The following PAM variants were observed in gnomAD, a reference collection of about 807,000 sequenced individuals.
The protein encoded by PAM is peptidylglycine alpha-amidating monooxygenase.
Under a neutral mutation model 122.1 loss-of-function variants are expected in PAM, and 72 were observed. The observed-to-expected ratio is 0.59, with a 90% confidence interval of 0.49 to 0.72. PAM has a LOEUF of 0.72. PAM is among the 30% of genes least tolerant of loss of function. The probability of loss-of-function intolerance (pLI) is 0.00; values close to 1 mark genes in which losing one functional copy is unlikely to be tolerated. For synonymous variants in PAM, 389 were observed against 404.4 expected, an observed-to-expected ratio of 0.96 and a Z score of 0.46; for missense variants, 1,106 against 1,183.7, an observed-to-expected ratio of 0.93 and a Z score of 0.96.
intron 3 of PAM, among the ~76,000 whole-genome samples, chr5:102,869,891 G>T (rs1053628048): frequency 6.8e-6 from 1 of 146,934 alleles, no homozygotes; most frequent in Admixed American, 6.8e-5. Flanking sequence ...TTAGAGGGAA[G>T]AAACAAAAGG....
At chr5:103,027,755 A>G (rs1213082913) in intron 24 of PAM, among the ~76,000 whole-genome samples, 1 of 152,228 alleles carries the variant, frequency 6.6e-6, no homozygotes, top group Non-Finnish European at 1.5e-5. Flanking sequence ...TGTCATAACC[A>G]AAGATGGAAA....
intron 5 of PAM, 62 bp from the exon 6 acceptor site, chr5:102,924,895 G>T: frequency 1.1e-6 from 1 of 881,394 alleles, no homozygotes; most frequent in South Asian, 1.3e-5. Flanking sequence ...TCCCACCATG[G>T]GGAGCAATTT....
chr5:102,959,927 G>A lies in PAM; in HGVS notation c.958G>A (p.Ala320Thr). The A allele has an allele frequency of 6.2e-7, 1 of 1,612,544 alleles. No homozygotes were observed. The highest frequency in any genetic ancestry group is 8.5e-7 in the Non-Finnish European group (1 of 1,178,774). Residue 320 changes from alanine to threonine, a missense_variant, in exon 13 of 26, where the codon GCC becomes ACC. Transcript: ENST00000438793. ...CNLYIMYYME[A>T]KHAVSFMTCT... ...CTTATACATTATGTATTACATGGAA[G>A]CCAAGCATGCAGTTTCTTTCATGAC...
Position 103,028,238 on chromosome 5 carries a change from G to A in PAM, c.2743G>A (p.Gly915Arg), listed in dbSNP as rs768911406. The A allele has an allele frequency of 3.1e-6, 5 of 1,604,380 alleles. No homozygotes were observed. Among genetic ancestry groups the A allele is most frequent in the Non-Finnish European group, 4.3e-6 (5 of 1,171,456 alleles). ...SSGRVLGRFR[G>R]KGSGGLNLGN... ...AGGAAGAGTACTGGGAAGATTTAGAGGTATGCCTATGACCTTTTAGAACCC... is the reference window on the plus strand; with the variant it reads ...AGGAAGAGTACTGGGAAGATTTAGAAGTATGCCTATGACCTTTTAGAACCC... Residue 915 changes from glycine to arginine, a missense_variant and splice_region_variant, in exon 25 of 26, where the codon GGA becomes AGA. Transcript: ENST00000438793.
chr5:102,797,015 A>C (rs1580234274), intron 1 of PAM, among the ~76,000 whole-genome samples: 1 of 152,228 alleles, frequency 6.6e-6, no homozygotes, highest in East Asian at 1.9e-4. Flanking sequence ...GCTAAACAAA[A>C]ATGAATTGTG....
At chr5:103,018,706 C>G (rs983172964) in intron 22 of PAM, among the ~76,000 whole-genome samples, 4 of 152,156 alleles carry the variant, frequency 2.6e-5, no homozygotes, top group Non-Finnish European at 5.9e-5. Context: ...ATGGAGAAGA[C>G]TTCAGAAGAA....
intron 3 of PAM, among the ~76,000 whole-genome samples, chr5:102,884,274 CA>C (rs1792269224): frequency 1.3e-5 from 2 of 151,702 alleles, no homozygotes; most frequent in African/African-American, 4.8e-5. Context: ...ATATCACCAA[CA>C]AAAAGGATAC....
intron 4 of PAM, among the ~76,000 whole-genome samples, chr5:102,912,677 T>G (rs561082407): frequency 7.4e-4 from 113 of 152,148 alleles, no homozygotes; most frequent in African/African-American, 2.7e-3. Context: ...CAAAGCATCT[T>G]CTTCCATCCC....
At chr5:102,971,262 A>G (rs913116969) in intron 14 of PAM, among the ~76,000 whole-genome samples, 1 of 152,210 alleles carries the variant, frequency 6.6e-6, no homozygotes, top group South Asian at 2.1e-4. Context: ...TAATTTAGTG[A>G]CACCTACTTT....
At chr5:102,820,238 G>C (rs922674614) in intron 1 of PAM, among the ~76,000 whole-genome samples, 1 of 149,684 alleles carries the variant, frequency 6.7e-6, no homozygotes, top group Non-Finnish European at 1.5e-5. Flanking sequence ...TTCAAATCAG[G>C]GTCCTGTGTG....
intron 1 of PAM, among the ~76,000 whole-genome samples, chr5:102,795,954 AT>A (rs939366412): frequency 6.6e-6 from 1 of 151,870 alleles, no homozygotes; most frequent in Non-Finnish European, 1.5e-5. Context: ...ACCATGAGTT[AT>A]TTTTTTTAGT....
chr5:103,004,597 T>C (rs1477044810), intron 17 of PAM, among the ~76,000 whole-genome samples: 2 of 152,202 alleles, frequency 1.3e-5, no homozygotes, highest in Non-Finnish European at 2.9e-5. Flanking sequence ...ATTAACCTTC[T>C]CTAATGTTTA....
intron 22 of PAM, among the ~76,000 whole-genome samples, chr5:103,018,661 T>G (rs1782699215): frequency 6.6e-6 from 1 of 152,162 alleles, no homozygotes; most frequent in African/African-American, 2.4e-5. Flanking sequence ...GTGTGGATTT[T>G]CAGAACAAAA....
At chr5:102,940,123 C>T (rs1754629558) in intron 7 of PAM, among the ~76,000 whole-genome samples, 1 of 143,230 alleles carries the variant, frequency 7.0e-6, no homozygotes, top group African/African-American at 2.9e-5. Context: ...CATACACACA[C>T]ACACACACAC....
intron 1 of PAM, among the ~76,000 whole-genome samples, chr5:102,817,996 C>T (rs76616761): frequency 0.025 from 3,356 of 133,566 alleles, 80 homozygotes; most frequent in East Asian, 0.14. Context: ...AAACCTTTAC[C>T]GAAAACCTAC....
Position 103,019,781 on chromosome 5 carries a change from T to A in PAM, c.2432-9T>A, listed in dbSNP as rs1368291291. The A allele has an allele frequency of 6.3e-7, 1 of 1,588,162 alleles. No homozygotes were observed. Among genetic ancestry groups the A allele is most frequent in the African/African-American group, 1.3e-5 (1 of 74,300 alleles). ...CTGACTTTTCTCTCTCCTTGTTGTG[T>A]TGTTACAGAATTGGAACATCGATCA... On this transcript the variant is annotated splice_polypyrimidine_tract_variant and intron_variant, in intron 22 of 25. Coordinates refer to ENST00000438793, the MANE Select transcript of PAM (RefSeq NM_001177306.2).
In PAM at chr5:102,878,498, TA is replaced by T. The variant is rs766024959; in HGVS notation, c.210+11115del. Among the ~76,000 whole-genome samples, 15 of 149,706 alleles carry T rather than the reference TA, an allele frequency of 1.0e-4. No homozygotes were observed. The South Asian group carries it at 1.1e-3, about 11-fold the overall frequency. Reference sequence around the variant, plus strand: ...TTTAGAGTGTACTACTTCTACTTCTTAAAAAAAAAATAAAGGTTTATTTTAA... The same window carrying T: ...TTTAGAGTGTACTACTTCTACTTCTTAAAAAAAAATAAAGGTTTATTTTAA... On this transcript the variant is annotated intron_variant, in intron 3 of 25. Transcript: ENST00000438793.
In PAM at chr5:102,807,725, TA is replaced by T. The variant is rs998508172; in HGVS notation, c.-374+52379del. Among the ~76,000 whole-genome samples the T allele has an allele frequency of 4.6e-5, 7 of 152,278 alleles. No individual in the cohort carries two copies. The East Asian group carries it at 1.4e-3, about 29-fold the overall frequency. ...GAAATGAAGTATTCACCGTTAAGGA[TA>T]AGGATGTTTGTAATGTGACAGTGTT... is the stretch of plus-strand genomic sequence containing the variant. On this transcript the variant is annotated intron_variant, in intron 1 of 25. Coordinates refer to ENST00000438793, the MANE Select transcript of PAM (RefSeq NM_001177306.2).
intron 3 of PAM, among the ~76,000 whole-genome samples, chr5:102,879,044 T>TA (rs1790120693): frequency 6.6e-6 from 1 of 152,126 alleles, no homozygotes; most frequent in African/African-American, 2.4e-5. Context: ...TTCTCCTGCC[T>TA]CAGCCTCCCG....
Sources: gnomAD v4.1 joint callset for allele counts (sites outside exome capture counted in the v4.1 genomes callset) on GRCh38, gnomAD v4.1.1 for gene constraint, MANE v1.5 for transcripts, NCBI Gene and HGNC (gene_info 2026-07-23, HGNC 2026-07-21) for gene names.